Variants in AP1B1 observed in about 807,000 individuals in gnomAD.
AP1B1 encodes the protein adaptor related protein complex 1 subunit beta 1.
In AP1B1, 36 loss-of-function variants were observed where a neutral mutation model predicts 104.3. The ratio of observed to expected loss-of-function variants is 0.35; its 90% confidence interval spans 0.26 to 0.46. The LOEUF (loss-of-function observed/expected upper bound fraction) is 0.46. Ranked by LOEUF, AP1B1 falls within the 20% of genes least tolerant of loss-of-function variation. The pLI is 1.00. For missense variants in AP1B1, 901 were observed against 1,247.9 expected (o/e 0.72, Z 4.19); for synonymous variants, 504 against 517.5 (o/e 0.97, Z 0.35).
chr22:29,330,560 C>T, intron 20 of AP1B1, 28 bp from the exon 21 acceptor site: 1 of 1,610,458 alleles, frequency 6.2e-7, no homozygotes. Context: ...CGTGAGAGGC[C>T]CCAGTCAGCG....
intron 7 of AP1B1, among the ~76,000 whole-genome samples, chr22:29,353,327 C>T (rs1892138881): frequency 1.3e-5 from 2 of 152,106 alleles, no homozygotes; most frequent in Non-Finnish European, 2.9e-5. Context: ...GGCAAGACCC[C>T]GAGCTGGGTA....
chr22:29,364,747 C>A (rs1211001749), intron 2 of AP1B1, among the ~76,000 whole-genome samples: 10 of 148,610 alleles, frequency 6.7e-5, no homozygotes, highest in Non-Finnish European at 1.5e-4. Flanking sequence ...CTCACTCTGT[C>A]ACCCAGGCTG....
In AP1B1 at chr22:29,339,019, G is replaced by C. The variant is rs1453953521; in HGVS notation, c.2134C>G (p.Leu712Val). 6.2e-7 allele frequency: 1 copy of C among 1,614,172 alleles called. No homozygotes were observed. Residue 712 changes from leucine (L) to valine (V), a missense_variant, in exon 16 of 23, where the codon CTG becomes GTG. By Grantham distance (32) the Leu-to-Val change is conservative (BLOSUM62 1). Coordinates refer to ENST00000357586, the MANE Select transcript of AP1B1 (RefSeq NM_001127.4). The part of the protein sequence containing the change: ...LFDLTSGVGT[L>V]SGSYVAPKAV... The stretch of plus-strand genomic sequence containing the variant: ...TTGGGGGCCACATATGATCCTGACA[G>C]GGTGCCCACGCCACTGGTCAGGTCA...
chr22:29,377,956 T>C (rs1002587253), intron 1 of AP1B1, among the ~76,000 whole-genome samples: 5 of 152,022 alleles, frequency 3.3e-5, no homozygotes, highest in African/African-American at 1.2e-4. Context: ...GTGCCGGCAC[T>C]CTCCACTGCT....
At chr22:29,331,402 G>C in intron 19 of AP1B1, 47 bp downstream of exon 19, 1 of 1,593,040 alleles carries the variant, frequency 6.3e-7, no homozygotes, top group South Asian at 1.1e-5. Context: ...AGGTTCCCAA[G>C]CCACAGCCCC....
chr22:29,342,800 C>G (rs2061734346), intron 11 of AP1B1, among the ~76,000 whole-genome samples: 1 of 152,152 alleles, frequency 6.6e-6, no homozygotes, highest in Non-Finnish European at 1.5e-5. Context: ...CAGCAGGGCC[C>G]ACAGAGCCTG....
chr22:29,362,378 G>A (rs1376000812), intron 3 of AP1B1, among the ~76,000 whole-genome samples: 2 of 150,250 alleles, frequency 1.3e-5, no homozygotes, highest in African/African-American at 4.9e-5. Flanking sequence ...ACTGAGTCTC[G>A]CTCTGTCACC....
intron 10 of AP1B1, among the ~76,000 whole-genome samples, chr22:29,349,756 T>A (rs1193039310): frequency 6.6e-6 from 1 of 152,090 alleles, no homozygotes; most frequent in Non-Finnish European, 1.5e-5. Context: ...TCTCAGGCAA[T>A]CCACCCGCCT....
intron 1 of AP1B1, 21 bp from the exon 2 acceptor site, chr22:29,367,291 G>A: frequency 1.5e-6 from 2 of 1,361,548 alleles, no homozygotes; most frequent in Middle Eastern, 1.8e-4. Context: ...GAGAAGAGAG[G>A]GGTGACTTTC....
At chr22:29,340,234 T>C (rs1401735460) in intron 14 of AP1B1, among the ~76,000 whole-genome samples, 1 of 152,304 alleles carries the variant, frequency 6.6e-6, no homozygotes, top group African/African-American at 2.4e-5. Flanking sequence ...CAAATAGGCC[T>C]GGATGGGCTG....
intron 20 of AP1B1, 42 bp from the exon 21 acceptor site, chr22:29,330,574 G>C (rs982812032): frequency 1.2e-6 from 2 of 1,612,486 alleles, no homozygotes; most frequent in African/African-American, 2.7e-5. Context: ...GTCAGCGCGG[G>C]GGCCTGGGTA....
chr22:29,366,833 G>GACACACAC (rs200885223), intron 2 of AP1B1, among the ~76,000 whole-genome samples: 1,331 of 131,378 alleles, frequency 0.01, 13 homozygotes, highest in Non-Finnish European at 0.011. Flanking sequence ...CTTGGATAAG[G>GACACACAC]ACACACACAC....
At chr22:29,334,190 C>T (rs1189567395) in intron 17 of AP1B1, 75 bp downstream of exon 17, 21 of 1,413,926 alleles carry the variant, frequency 1.5e-5, no homozygotes, top group Non-Finnish European at 1.9e-5. Flanking sequence ...TGCCTGCAGT[C>T]CCCAGAACAG....
Position 29,341,623 on chromosome 22 carries a change from T to C in AP1B1, c.1674A>G (p.Thr558=). ...ISEETDLIEP[T]LLDELICYIG... ...TGTAGCAGATAAGCTCGTCTAACAG[T>C]GTGGGCTCGATGAGGTCCGTCTCTT... The change falls in exon 13 of 23, where the codon ACA becomes ACG. Residue 558 remains threonine, a synonymous_variant. Coordinates refer to ENST00000357586, the MANE Select transcript of AP1B1 (RefSeq NM_001127.4). 1 of 1,614,186 alleles carries C rather than the reference T, an allele frequency of 6.2e-7. No homozygotes were observed. The highest frequency in any genetic ancestry group is 8.5e-7 in the Non-Finnish European group (1 of 1,180,022).
intron 2 of AP1B1, among the ~76,000 whole-genome samples, chr22:29,364,864 A>G (rs2062108020): frequency 6.6e-6 from 1 of 151,582 alleles, no homozygotes; most frequent in African/African-American, 2.4e-5. Flanking sequence ...GGACACCATC[A>G]AACCCTCCTA....
At chr22:29,364,794 C>T (rs1160561757) in intron 2 of AP1B1, among the ~76,000 whole-genome samples, 4 of 151,640 alleles carry the variant, frequency 2.6e-5, no homozygotes, top group Admixed American at 6.6e-5. Flanking sequence ...CCGCAACTTC[C>T]GCCTCCCGGG....
chr22:29,363,114 A>G lies in AP1B1; in HGVS notation c.38-8T>C. On this transcript the variant is annotated splice_region_variant and splice_polypyrimidine_tract_variant and intron_variant, in intron 2 of 22. Transcript: ENST00000357586. ...TCAGCTCGAAGATCTCCCCTAAGGA[A>G]AGGAGGCAAGCATGAGTGATCCCTC... The G allele has an allele frequency of 7.8e-7, 1 of 1,278,926 alleles. No individual in the cohort carries two copies. Among genetic ancestry groups the G allele is most frequent in the Non-Finnish European group, 1.1e-6 (1 of 874,142 alleles). The allele number at this position is 1,278,926 out of a possible 1,614,324, so 79.2% of individuals were successfully genotyped here.
chr22:29,364,466 T>C (rs1382271929), intron 2 of AP1B1, among the ~76,000 whole-genome samples: 2 of 152,254 alleles, frequency 1.3e-5, no homozygotes, highest in Non-Finnish European at 1.5e-5. Flanking sequence ...TCACCCATGC[T>C]GGAGTGCAGT....
chr22:29,331,300 C>T (rs534721111), intron 19 of AP1B1, 149 bp downstream of exon 19: 3 of 817,758 alleles, frequency 3.7e-6, no homozygotes, highest in African/African-American at 3.4e-5. Context: ...GTATACCCCT[C>T]ACTCCAGGCC....
Sources: allele counts gnomAD v4.1 joint callset (sites outside exome capture counted in the v4.1 genomes callset), GRCh38; gene constraint gnomAD v4.1.1; transcripts MANE v1.5; gene names NCBI Gene and HGNC (gene_info 2026-07-23, HGNC 2026-07-21).